The following IDI1 variants were observed in gnomAD, a reference collection of about 807,000 sequenced individuals.
IDI1 encodes isopentenyl-diphosphate delta isomerase 1.
In IDI1, 23 loss-of-function variants were observed where a neutral mutation model predicts 32.9. That is an observed-to-expected ratio of 0.70 (90% CI 0.50 to 0.99). The LOEUF (loss-of-function observed/expected upper bound fraction) is 0.99, where lower values mean the gene tolerates loss of function less well. Ranked by LOEUF, IDI1 falls within the 50% of genes least tolerant of loss-of-function variation. The pLI is 0.00. For missense variants in IDI1, 326 were observed against 351.9 expected, an observed-to-expected ratio of 0.93 and a Z score of 0.59; for synonymous variants, 133 against 128.2, an observed-to-expected ratio of 1.04 and a Z score of -0.25.
chr10:1,049,251 T>G (rs930385908), upstream of IDI1: 1 of 577,022 alleles, frequency 1.7e-6, no homozygotes, highest in Non-Finnish European at 2.8e-6. Flanking sequence ...CTTTCGATCC[T>G]GCCGTGCGAG....
chr10:1,048,538 G>A, intron 1 of IDI1: 1 of 1,295,090 alleles, frequency 7.7e-7, no homozygotes, highest in Non-Finnish European at 9.9e-7. Context: ...TTAGTCTCCT[G>A]CGACTCGGTT....
chr10:1,045,165 C>T (rs949720643), intron 1 of IDI1, among the ~76,000 whole-genome samples: 3 of 152,260 alleles, frequency 2.0e-5, no homozygotes, highest in Non-Finnish European at 4.4e-5. Context: ...CATTAATTTT[C>T]TGAACCCCCA....
intron 1 of IDI1, among the ~76,000 whole-genome samples, chr10:1,045,626 C>T (rs1427976434): frequency 6.6e-6 from 1 of 152,164 alleles, no homozygotes; most frequent in African/African-American, 2.4e-5. Context: ...ACCACCACGC[C>T]AGGCTAATTT....
chr10:1,056,007 C>T, the IDI1 span, among the ~76,000 whole-genome samples: 1 of 152,204 alleles, frequency 6.6e-6, no homozygotes. Flanking sequence ...CAGGGTTTCA[C>T]CATGTTGGCC....
At chr10:1,056,519 C>G in the IDI1 span, 1 of 152,146 alleles carries the variant, frequency 6.6e-6, no homozygotes, top group Non-Finnish European at 1.5e-5. Context: ...GCCCTCCCGC[C>G]CCGGCTGCCG....
At chr10:1,052,932 T>A (rs1473333214), upstream of IDI1, among the ~76,000 whole-genome samples, 1 of 152,232 alleles carries the variant, frequency 6.6e-6, no homozygotes, top group Admixed American at 6.5e-5. Flanking sequence ...AATGAAAACC[T>A]ATTGTTTAGC....
chr10:1,055,705 AACTTC>A, the IDI1 span, among the ~76,000 whole-genome samples: 4 of 129,324 alleles, frequency 3.1e-5, no homozygotes, highest in East Asian at 2.2e-4. Context: ...ATGCAGAAAT[AACTTC>A]ACTTCTTTTT....
chr10:1,041,653 G>A lies in IDI1; in HGVS notation c.538-149C>T, dbSNP rs549970495. On this transcript the variant is annotated intron_variant, in intron 4 of 4. Transcript: ENST00000381344. ...GTTAAAGCATTAATCTCCTATCAAT[G>A]GTATATGGAAATCTTAATATTATAT... The A allele has an allele frequency of 1.8e-5, 8 of 447,886 alleles. No individual in the cohort carries two copies. The Admixed American group carries it at 3.0e-4, about 17-fold the overall frequency. 27.7% of individuals were successfully genotyped at this position (447,886 alleles called of 1,614,324 possible).
upstream of IDI1, among the ~76,000 whole-genome samples, chr10:1,049,820 T>G (rs1832946152): frequency 6.6e-6 from 1 of 152,112 alleles, no homozygotes; most frequent in South Asian, 2.1e-4. Context: ...ACGCCCGGCT[T>G]ATTTCGTATT....
In IDI1 at chr10:1,048,990, A is replaced by C. The variant is rs2131584760; in HGVS notation, c.14T>G (p.Leu5Arg). The C allele has an allele frequency of 6.6e-7, 1 of 1,512,646 alleles. No individual in the cohort carries two copies. Among genetic ancestry groups the C allele is most frequent in the East Asian group, 2.5e-5 (1 of 39,232 alleles). The allele number at this position is 1,512,646 out of a possible 1,614,324, so 93.7% of individuals were successfully genotyped here. Residue 5 changes from leucine to arginine, a missense_variant, in exon 1 of 5, where the codon CTG (leucine) becomes CGG (arginine). Physicochemically the swap from Leu to Arg is moderately radical, Grantham distance 102. This residue lies in a region of IDI1 where 121 missense variants were observed against 78.4 expected (regional missense o/e 1.54). Transcript: ENST00000381344. The part of the protein sequence containing the change: MWRG[L>R]ALARAIGCAA... ...GCAGCCAATCGCTCGCGCCAGCGCC[A>C]GTCCACGCCACATCGCCCGGCCAAT...
intron 1 of IDI1, among the ~76,000 whole-genome samples, chr10:1,045,713 T>C (rs1320122300): frequency 6.6e-6 from 1 of 152,264 alleles, no homozygotes; most frequent in Non-Finnish European, 1.5e-5. Flanking sequence ...GAGATCTGCC[T>C]GCTTTGGCCT....
intron 2 of IDI1, 191 bp from the exon 3 acceptor site, chr10:1,043,584 C>T (rs760811393): frequency 3.1e-5 from 21 of 686,606 alleles, no homozygotes; most frequent in Non-Finnish European, 5.1e-5. Context: ...AGTTGGCCGT[C>T]GAGTGAAGGA....
At chr10:1,053,413 G>GA (rs1833063743), upstream of IDI1, among the ~76,000 whole-genome samples, 1 of 152,208 alleles carries the variant, frequency 6.6e-6, no homozygotes, top group South Asian at 2.1e-4. Context: ...TCAGCCTTCA[G>GA]AAAACTGAAG....
intron 1 of IDI1, among the ~76,000 whole-genome samples, chr10:1,045,105 G>C (rs544023799): frequency 6.6e-6 from 1 of 152,288 alleles, no homozygotes; most frequent in Admixed American, 6.5e-5. Context: ...CAGCAGGCCA[G>C]ATTTGGCCTA....
At chr10:1,045,851 C>A (rs1187402282) in intron 1 of IDI1, among the ~76,000 whole-genome samples, 2 of 144,648 alleles carry the variant, frequency 1.4e-5, no homozygotes, top group African/African-American at 2.6e-5. Flanking sequence ...AAGTTCTAGA[C>A]CCACATAGGG....
chr10:1,055,913 A>T, the IDI1 span, among the ~76,000 whole-genome samples: 15 of 152,148 alleles, frequency 9.9e-5, no homozygotes, highest in South Asian at 3.1e-3. Flanking sequence ...GGTTCAAGCG[A>T]TTCTCCTGCC....
Position 1,040,527 on chromosome 10 carries a change from C to G in IDI1, c.*660G>C, listed in dbSNP as rs115475408. 4 of 152,366 alleles carry G rather than the reference C, an allele frequency of 2.6e-5. No individual in the cohort carries two copies. Among genetic ancestry groups the G allele is most frequent in the Middle Eastern group, 3.4e-3 (1 of 294 alleles). The allele number at this position is 152,366 out of a possible 1,614,324, so 9.4% of individuals were successfully genotyped here. A position where few individuals can be genotyped will look rare whatever the true frequency, so the allele number is the denominator to read the frequency against. On this transcript the variant is annotated 3_prime_UTR_variant, in exon 5 of 5. Coordinates refer to ENST00000381344, the MANE Select transcript of IDI1 (RefSeq NM_004508.4). ...CACAGACTTTGCTAACTGGTAAATACTATTTACAAGAAGATTCAACCTAAT... is the reference window on the plus strand; with the variant it reads ...CACAGACTTTGCTAACTGGTAAATAGTATTTACAAGAAGATTCAACCTAAT...
At chr10:1,048,842 C>A (rs1405545513) in intron 1 of IDI1, 22 bp downstream of exon 1, 2 of 1,602,446 alleles carry the variant, frequency 1.2e-6, no homozygotes, top group Non-Finnish European at 1.7e-6. Flanking sequence ...GTCTCCCGAA[C>A]TCCGCCGCCC....
chr10:1,056,099 G>T, the IDI1 span, among the ~76,000 whole-genome samples: 1 of 152,084 alleles, frequency 6.6e-6, no homozygotes, highest in Non-Finnish European at 1.5e-5. Flanking sequence ...GAGCCACCGC[G>T]CCTGGCCTTG....
Sources: allele counts gnomAD v4.1 joint callset (sites outside exome capture counted in the v4.1 genomes callset), GRCh38; gene constraint gnomAD v4.1.1; regional missense constraint gnomAD v4.1.1; transcripts MANE v1.5; gene names NCBI Gene and HGNC (gene_info 2026-07-23, HGNC 2026-07-21).